The following ASTN2 variants were observed in gnomAD, a reference collection of about 807,000 sequenced individuals.
ASTN2 encodes the protein astrotactin 2, also known as astrotactin-2.
ASTN2 carries 54 observed loss-of-function variants against 139.8 expected under a neutral mutation model. The observed-to-expected ratio is 0.39, with a 90% CI of 0.31 to 0.48. The LOEUF (loss-of-function observed/expected upper bound fraction) is 0.48. Among genes scored for constraint, ASTN2 ranks in the 20% least tolerant of loss-of-function variants. The pLI, the probability that ASTN2 is intolerant of heterozygous loss-of-function variation, is 0.95. For missense variants in ASTN2, 1,565 were observed against 1,725.1 expected (o/e 0.91, Z 1.64); for synonymous variants, 756 against 719.5 (o/e 1.05, Z -0.81).
intron 16 of ASTN2, among the ~76,000 whole-genome samples, chr9:116,655,883 T>C (rs2131941339): frequency 6.6e-6 from 1 of 151,888 alleles, no homozygotes; most frequent in Middle Eastern, 3.4e-3. Flanking sequence ...TTTGTTGTTG[T>C]TGTTGTTGTT....
At chr9:116,783,262 TTTCCTTCC>T (rs72137868) in intron 13 of ASTN2, among the ~76,000 whole-genome samples, 24,271 of 131,854 alleles carry the variant, frequency 0.18, 2,714 homozygotes, top group Middle Eastern at 0.31. Flanking sequence ...TCATAAAATC[TTTCCTTCC>T]TTCCTTCCTT....
At chr9:116,890,036 G>T (rs921261158) in intron 10 of ASTN2, among the ~76,000 whole-genome samples, 1 of 152,218 alleles carries the variant, frequency 6.6e-6, no homozygotes, top group Non-Finnish European at 1.5e-5. Context: ...TAATGCTAAA[G>T]CTCATTTCAA....
chr9:116,581,511 T>C (rs1853951527), intron 19 of ASTN2, among the ~76,000 whole-genome samples: 1 of 152,208 alleles, frequency 6.6e-6, no homozygotes, highest in Non-Finnish European at 1.5e-5. Context: ...TAGACATGCA[T>C]TGTTTCACCT....
Position 117,414,371 on chromosome 9 carries a change from C to G in ASTN2, c.442+126G>C. The G allele has an allele frequency of 6.9e-7, 1 of 1,456,180 alleles. No homozygotes were observed. The highest frequency in any genetic ancestry group is 9.1e-7 in the Non-Finnish European group (1 of 1,098,234). The allele number at this position is 1,456,180 out of a possible 1,614,324, so 90.2% of individuals were successfully genotyped here. A position where few individuals can be genotyped will look rare whatever the true frequency, so the allele number is the denominator to read the frequency against. On this transcript the variant is annotated intron_variant, in intron 1 of 22. Transcript: ENST00000313400. This position sits in a 1 kb window ranked among gnomAD's most constrained non-coding sequence, Gnocchi z 4.2. The stretch of plus-strand genomic sequence containing the variant: ...CCTGTGCGACCTCTGGGCCCCTCCT[C>G]TACCCTCTGCCAACCCCACTCGGGG...
chr9:117,340,493 G>A (rs922023811), intron 1 of ASTN2, among the ~76,000 whole-genome samples: 1 of 152,008 alleles, frequency 6.6e-6, no homozygotes, highest in Non-Finnish European at 1.5e-5. Context: ...AATACATCAA[G>A]GGCTCAATAA....
At chr9:116,660,401 T>C (rs1696530710) in intron 16 of ASTN2, among the ~76,000 whole-genome samples, 1 of 152,222 alleles carries the variant, frequency 6.6e-6, no homozygotes, top group Admixed American at 6.5e-5. Context: ...AAATTCCATC[T>C]TTTTTGTTTT....
chr9:116,832,386 C>T (rs1252129048), intron 11 of ASTN2, among the ~76,000 whole-genome samples: 1 of 151,952 alleles, frequency 6.6e-6, no homozygotes, highest in Non-Finnish European at 1.5e-5. Context: ...CTAGGACTTC[C>T]CACACGATGT....
At chr9:116,691,759 C>T (rs905154378) in intron 16 of ASTN2, among the ~76,000 whole-genome samples, 1 of 152,168 alleles carries the variant, frequency 6.6e-6, no homozygotes, top group Non-Finnish European at 1.5e-5. Flanking sequence ...TCACTGAATT[C>T]GTTAAAGTCA....
intron 5 of ASTN2, among the ~76,000 whole-genome samples, chr9:117,079,158 C>T (rs925748359): frequency 9.2e-5 from 14 of 152,124 alleles, no homozygotes; most frequent in Non-Finnish European, 4.4e-5. Context: ...GAGTTTGAGA[C>T]CAGCCTGGGC....
intron 20 of ASTN2, among the ~76,000 whole-genome samples, chr9:116,484,417 C>T (rs1427018295): frequency 6.6e-6 from 1 of 152,280 alleles, no homozygotes; most frequent in Non-Finnish European, 1.5e-5. Flanking sequence ...CCCAGCCCTG[C>T]GTGTCCCCAA....
chr9:117,074,777 A>G (rs1398586725), intron 5 of ASTN2, among the ~76,000 whole-genome samples: 1 of 152,186 alleles, frequency 6.6e-6, no homozygotes, highest in Non-Finnish European at 1.5e-5. Flanking sequence ...TATTATGTAA[A>G]TACACATACA....
At chr9:117,118,857 C>T (rs1829469911) in intron 4 of ASTN2, among the ~76,000 whole-genome samples, 1 of 152,176 alleles carries the variant, frequency 6.6e-6, no homozygotes, top group African/African-American at 2.4e-5. Context: ...CAACTGTCAC[C>T]TCCTCAAGAA....
chr9:117,235,139 C>T (rs1230189933), intron 2 of ASTN2, among the ~76,000 whole-genome samples: 1 of 151,656 alleles, frequency 6.6e-6, no homozygotes, highest in African/African-American at 2.4e-5. Flanking sequence ...AAGGCTGAGG[C>T]AGGAGAATTG....
chr9:116,604,453 C>T (rs1219814782), intron 19 of ASTN2, among the ~76,000 whole-genome samples: 2 of 152,018 alleles, frequency 1.3e-5, no homozygotes, highest in Non-Finnish European at 2.9e-5. Context: ...TTCCCCTCAC[C>T]CCCACCCCCC....
chr9:116,783,702 C>T (rs953509764), intron 13 of ASTN2, among the ~76,000 whole-genome samples: 5 of 152,126 alleles, frequency 3.3e-5, no homozygotes, highest in Non-Finnish European at 7.3e-5. Context: ...GTGGTCTCAT[C>T]TCTAAACTAA....
intron 13 of ASTN2, among the ~76,000 whole-genome samples, chr9:116,754,515 A>T (rs1829487143): frequency 6.6e-6 from 1 of 152,176 alleles, no homozygotes; most frequent in South Asian, 2.1e-4. Context: ...AACTGGTGTG[A>T]TGTCCACCTA....
intron 5 of ASTN2, among the ~76,000 whole-genome samples, chr9:117,075,250 C>A (rs1032052110): frequency 2.0e-5 from 3 of 152,158 alleles, no homozygotes; most frequent in African/African-American, 4.8e-5. Context: ...ATGAGCCCAG[C>A]CCCTCTGACA....
At chr9:116,860,531 C>G (rs1832849434) in intron 11 of ASTN2, among the ~76,000 whole-genome samples, 1 of 152,220 alleles carries the variant, frequency 6.6e-6, no homozygotes, top group South Asian at 2.1e-4. Flanking sequence ...AACATAGACT[C>G]CAAAGCTATG....
At chr9:117,142,868 T>C (rs1830106718) in intron 3 of ASTN2, among the ~76,000 whole-genome samples, 1 of 152,138 alleles carries the variant, frequency 6.6e-6, no homozygotes, top group Non-Finnish European at 1.5e-5. Context: ...CCTCCATCTG[T>C]GTCTCCAGAG....
Sources: allele counts gnomAD v4.1 joint callset (sites outside exome capture counted in the v4.1 genomes callset), GRCh38; gene constraint gnomAD v4.1.1; non-coding constraint Gnocchi (gnomAD v3.1); transcripts MANE v1.5; gene names NCBI Gene and HGNC (gene_info 2026-07-23, HGNC 2026-07-21).